The following WIZ variants were observed in gnomAD, a reference collection of about 807,000 sequenced individuals.
WIZ encodes WIZ zinc finger.
In WIZ, 25 loss-of-function variants were observed where a neutral mutation model predicts 140.2. The ratio of observed to expected loss-of-function variants is 0.18; its 90% confidence interval spans 0.13 to 0.25. The LOEUF is 0.25. WIZ is among the 10% of genes least tolerant of loss of function. The probability of loss-of-function intolerance (pLI) is 1.00; values close to 1 mark genes in which losing one functional copy is unlikely to be tolerated. For missense variants in WIZ, 2,231 were observed against 2,632.6 expected, an observed-to-expected ratio of 0.85 and a Z score of 3.34; for synonymous variants, 1,125 against 1,154.3, an observed-to-expected ratio of 0.97 and a Z score of 0.51.
In WIZ at chr19:15,430,007, C is replaced by T; in HGVS notation, c.2994G>A (p.Leu998=). The T allele has an allele frequency of 6.5e-7, 1 of 1,536,008 alleles. No individual in the cohort carries two copies. ...CCGACTCTGCCACTCCCAGCTGCCG[C>T]AGGTGGGAGCGCGCGTGGCTGGACA... ...KGLSSHARSH[L]RQLGVAESES... Residue 998 remains leucine, a synonymous_variant, in exon 7 of 13, where the codon CTG becomes CTA. Transcript: ENST00000673675.
chr19:15,439,066 G>T lies in WIZ; in HGVS notation c.1928C>A (p.Pro643His). The T allele has an allele frequency of 6.7e-7, 1 of 1,492,110 alleles. No homozygotes were observed. The highest frequency in any genetic ancestry group is 8.9e-7 in the Non-Finnish European group (1 of 1,124,058). 92.4% of individuals were successfully genotyped at this position (1,492,110 alleles called of 1,614,324 possible). ...DFSPENGVFS[P>H]LATPSLIPQA... ...CGGGATGAGGCTGGGGGTGGCTAGG[G>T]GTGAAAAGACCCCATTTTCAGGGGA... is the stretch of plus-strand genomic sequence containing the variant. Residue 643 changes from proline (P) to histidine (H), a missense_variant, in exon 4 of 13, where the codon CCC (proline) becomes CAC (histidine). This residue lies in a region of WIZ where 475 missense variants were observed against 520.2 expected (regional missense o/e 0.91). Transcript: ENST00000673675. The surrounding 1 kb of genome is among the most constrained non-coding windows in gnomAD (Gnocchi z 7.0).
intron 12 of WIZ, among the ~76,000 whole-genome samples, chr19:15,423,582 C>T (rs183758452): frequency 6.6e-6 from 1 of 152,296 alleles, no homozygotes; most frequent in East Asian, 1.9e-4. Flanking sequence ...CACCAAGCCC[C>T]CCACCTCCTC....
In WIZ at chr19:15,431,035, T is replaced by G. The variant is rs1262297786; in HGVS notation, c.2888A>C (p.Lys963Thr). ...ACCCTTGAGGTCCTGCAGCTCCTGT[T>G]TGCTGCCATGAGGAACCTCTGCAGC... ...KVAAEVPHGS[K>T]QELQDLKAQS... is the part of the protein sequence containing the mutation. Residue 963 changes from lysine (K) to threonine (T), a missense_variant, in exon 6 of 13, where the codon AAA becomes ACA. Physicochemically the swap from Lys to Thr is moderately conservative, Grantham distance 78 (BLOSUM62 -1). This residue lies in a region of WIZ where 137 missense variants were observed against 135.8 expected (regional missense o/e 1.01). Transcript: ENST00000673675. 3 of 1,535,398 alleles carry G rather than the reference T, an allele frequency of 2.0e-6. No homozygotes were observed.
At position 15,424,738 on chromosome 19, in the gene WIZ, C is replaced by A; in HGVS notation, c.5189G>T (p.Gly1730Val). Reference sequence around the variant, plus strand: ...CCCTGGCTCCCCTCCGGCACTGCGGCCGACCACGGCCAGGCCCCCGGGTGC... The same window carrying A: ...CCCTGGCTCCCCTCCGGCACTGCGGACGACCACGGCCAGGCCCCCGGGTGC... ...GLAPGGLAVVGRSAGGEPGPE... is the reference protein window; with the variant it reads ...GLAPGGLAVVVRSAGGEPGPE... Residue 1730 changes from glycine (G) to valine (V), a missense_variant, in exon 11 of 13, where the codon GGC becomes GTC. This residue lies in a region of WIZ where 299 missense variants were observed against 309.6 expected (regional missense o/e 0.97). Transcript: ENST00000673675. The surrounding 1 kb of genome is among the most constrained non-coding windows in gnomAD (Gnocchi z 9.7). 1.3e-6 allele frequency: 2 copies of A among 1,568,418 alleles called. No homozygotes were observed. The highest frequency in any genetic ancestry group is 2.3e-5 in the East Asian group (1 of 43,070).
intron 4 of WIZ, among the ~76,000 whole-genome samples, chr19:15,437,865 G>C (rs547106371): frequency 2.0e-5 from 3 of 152,182 alleles, no homozygotes; most frequent in Non-Finnish European, 4.4e-5. Context: ...ACTGGAGTTA[G>C]GGACTTTGTC....
Position 15,440,091 on chromosome 19 carries a change from C to T in WIZ, c.903G>A (p.Val301=). 2 of 1,534,838 alleles carry T rather than the reference C, an allele frequency of 1.3e-6. No individual in the cohort carries two copies. The highest frequency in any genetic ancestry group is 8.7e-7 in the Non-Finnish European group (1 of 1,146,200). Reference sequence around the variant, plus strand: ...CGTCCTCGTCCTCATCTGGGCTGGCCACCCCTTCGGCCACCTCCTCCAGCA... The same window carrying T: ...CGTCCTCGTCCTCATCTGGGCTGGCTACCCCTTCGGCCACCTCCTCCAGCA... ...CELLEEVAEG[V]ASPDEDEDEE... The change falls in exon 4 of 13, where the codon GTG becomes GTA. Residue 301 remains valine (V), a synonymous_variant. Coordinates refer to ENST00000673675, the MANE Select transcript of WIZ (RefSeq NM_001371589.1). The surrounding 1 kb of genome is among the most constrained non-coding windows in gnomAD (Gnocchi z 6.2).
chr19:15,420,765 T>C lies in WIZ; in HGVS notation c.*2311A>G, dbSNP rs970994869. 3 of 152,370 alleles carry C rather than the reference T, an allele frequency of 2.0e-5. No homozygotes were observed. The highest frequency in any genetic ancestry group is 1.9e-4 in the East Asian group (1 of 5,192). The allele number at this position is 152,370 out of a possible 1,614,324, so 9.4% of individuals were successfully genotyped here. ...TGGGGAGGAACTTGCCATATGACTT[T>C]ATAAGCTCTTGTATCATTTGACTGT... On this transcript the variant is annotated 3_prime_UTR_variant, in exon 13 of 13. Transcript: ENST00000673675.
At chr19:15,449,347 G>T (rs1037873063) in intron 1 of WIZ, 1 of 152,292 alleles carries the variant, frequency 6.6e-6, no homozygotes. Context: ...TCTTGGTGGG[G>T]GTCCCTACCC....
chr19:15,449,931 C>T lies in WIZ; in HGVS notation c.-194G>A, dbSNP rs1478065400. ...TCCGCAGCCGCCGCCGCCTCCACCG[C>T]TCGGGGGACATTGTCCCTTTAAATC... On this transcript the variant is annotated 5_prime_UTR_variant, in exon 1 of 13. Coordinates refer to ENST00000673675, the MANE Select transcript of WIZ (RefSeq NM_001371589.1). The T allele has an allele frequency of 6.7e-6, 1 of 149,772 alleles. No homozygotes were observed. The highest frequency in any genetic ancestry group is 2.0e-4 in the East Asian group (1 of 5,102). 9.3% of individuals were successfully genotyped at this position (149,772 alleles called of 1,614,324 possible).
intron 7 of WIZ, 92 bp downstream of exon 7, chr19:15,429,494 A>G: frequency 7.3e-6 from 3 of 411,340 alleles, no homozygotes; most frequent in Non-Finnish European, 1.1e-5. Flanking sequence ...GCCCCCACCC[A>G]CCCTGGGCCC....
Position 15,425,159 on chromosome 19 carries a change from G to A in WIZ, c.4894+82C>T. The A allele has an allele frequency of 2.6e-6, 4 of 1,538,128 alleles. No homozygotes were observed. In the South Asian group the frequency reaches 4.8e-5, roughly 18 times the overall value. On this transcript the variant is annotated intron_variant, in intron 10 of 12. Transcript: ENST00000673675. ...CCCAGCCATGGGGGCCCCACTTGGG[G>A]TCAGTGTGCACGCTTGTGGCATTGC...
At chr19:15,443,511 C>T (rs1175469555) in intron 2 of WIZ, among the ~76,000 whole-genome samples, 3 of 152,228 alleles carry the variant, frequency 2.0e-5, no homozygotes, top group Non-Finnish European at 1.5e-5. Flanking sequence ...GCCCCAAGCC[C>T]ACCTAACTCT....
In WIZ at chr19:15,439,522, T is replaced by A. The variant is rs1291162848; in HGVS notation, c.1472A>T (p.His491Leu). 1 of 1,532,996 alleles carries A rather than the reference T, an allele frequency of 6.5e-7. No homozygotes were observed. The highest frequency in any genetic ancestry group is 2.0e-5 in the Admixed American group (1 of 50,718). The allele number at this position is 1,532,996 out of a possible 1,614,324, so 95.0% of individuals were successfully genotyped here. A position where few individuals can be genotyped will look rare whatever the true frequency, so the allele number is the denominator to read the frequency against. The change falls in exon 4 of 13, where the codon CAC becomes CTC. Residue 491 changes from histidine to leucine, a missense_variant. By Grantham distance (99) the His-to-Leu change is moderately conservative. Coordinates refer to ENST00000673675, the MANE Select transcript of WIZ (RefSeq NM_001371589.1). This position sits in a 1 kb window ranked among gnomAD's most constrained non-coding sequence, Gnocchi z 7.0. ...EHVRLVHAHP[H>L]WEEDGEAYEE... ...ATAAGCCTCGCCATCCTCCTCCCAG[T>A]GGGGATGGGCATGCACCAGCCTCAC...
Position 15,424,106 on chromosome 19 carries a change from A to G in WIZ, c.5510+77T>C. On this transcript the variant is annotated intron_variant, in intron 12 of 12. Coordinates refer to ENST00000673675, the MANE Select transcript of WIZ (RefSeq NM_001371589.1). This position sits in a 1 kb window ranked among gnomAD's most constrained non-coding sequence, Gnocchi z 9.7. Reference sequence around the variant, plus strand: ...GGCGACACCTCCCAGCTTCCACCAAACCCTATCCTGTTCCAAGGCTCCGGG... The same window carrying G: ...GGCGACACCTCCCAGCTTCCACCAAGCCCTATCCTGTTCCAAGGCTCCGGG... The G allele has an allele frequency of 2.2e-6, 3 of 1,350,342 alleles. No individual in the cohort carries two copies. The highest frequency in any genetic ancestry group is 2.9e-6 in the Non-Finnish European group (3 of 1,025,406). 83.6% of individuals were successfully genotyped at this position (1,350,342 alleles called of 1,614,324 possible). A position where few individuals can be genotyped will look rare whatever the true frequency, so the allele number is the denominator to read the frequency against.
intron 10 of WIZ, 36 bp from the exon 11 acceptor site, chr19:15,425,068 C>A: frequency 1.3e-6 from 2 of 1,523,844 alleles, no homozygotes; most frequent in East Asian, 2.4e-5. Context: ...AGTCACAGCC[C>A]AAAGGGGGCA....
intron 5 of WIZ, 64 bp downstream of exon 5, chr19:15,436,742 C>T: frequency 2.1e-6 from 3 of 1,446,430 alleles, no homozygotes; most frequent in Non-Finnish European, 2.7e-6. Context: ...CCAGCCCCGC[C>T]CCTCCAATGC....
rs766027386 is a variant in WIZ at position 15,427,362 on chromosome 19, C to T, written c.3986G>A (p.Arg1329Gln). The change falls in exon 9 of 13, where the codon CGG becomes CAG. Residue 1329 changes from arginine to glutamine, a missense_variant. Coordinates refer to ENST00000673675, the MANE Select transcript of WIZ (RefSeq NM_001371589.1). The surrounding 1 kb of genome is among the most constrained non-coding windows in gnomAD (Gnocchi z 6.4). ...IDTLREILKRRTQSRPGGPPN... is the reference protein window; with the variant it reads ...IDTLREILKRQTQSRPGGPPN... ...AGGTCCACCAGGCCGAGACTGGGTC[C>T]GTCTCTTCAGGATCTCCCGCAGCGT... 2.9e-5 allele frequency: 47 copies of T among 1,613,526 alleles called. No homozygotes were observed. The highest frequency in any genetic ancestry group is 1.6e-4 in the Middle Eastern group (1 of 6,082).
At chr19:15,432,062 G>C (rs1599679366) in intron 5 of WIZ, among the ~76,000 whole-genome samples, 1 of 152,312 alleles carries the variant, frequency 6.6e-6, no homozygotes, top group East Asian at 1.9e-4. Context: ...CAAAGAGTAG[G>C]CGCTGAGGAC....
intron 5 of WIZ, among the ~76,000 whole-genome samples, chr19:15,431,789 A>C (rs534120358): frequency 6.6e-6 from 1 of 152,364 alleles, no homozygotes; most frequent in South Asian, 2.1e-4. Flanking sequence ...AAGAGTTGGA[A>C]TCACAGAACT....
Sources: allele counts gnomAD v4.1 joint callset (sites outside exome capture counted in the v4.1 genomes callset), GRCh38; gene constraint gnomAD v4.1.1; regional missense constraint gnomAD v4.1.1; non-coding constraint Gnocchi (gnomAD v3.1); transcripts MANE v1.5; gene names NCBI Gene and HGNC (gene_info 2026-07-23, HGNC 2026-07-21).